RANBP2: variants seen among roughly 807,000 people sequenced by gnomAD.
RANBP2 encodes RAN binding protein 2.
A neutral mutation model predicts 303.6 loss-of-function variants in RANBP2; 57 were observed. The ratio of observed to expected loss-of-function variants is 0.19; its 90% CI spans 0.15 to 0.23. The LOEUF is 0.23. Among genes scored for constraint, RANBP2 ranks in the 10% least tolerant of loss-of-function variants. RANBP2 has a pLI of 1.00. For missense variants in RANBP2, 3,138 were observed against 3,780.8 expected, an observed-to-expected ratio of 0.83 and a Z score of 4.46; for synonymous variants, 1,167 against 1,301.5, an observed-to-expected ratio of 0.90 and a Z score of 2.23.
At chr2:109,633,025 G>T in the RANBP2 span, among the ~76,000 whole-genome samples, 1 of 152,126 alleles carries the variant, frequency 6.6e-6, no homozygotes. Flanking sequence ...GTTAGGCAGG[G>T]TTTTGATGGG....
chr2:109,631,133 TTGA>T, the RANBP2 span, among the ~76,000 whole-genome samples: 1 of 152,180 alleles, frequency 6.6e-6, no homozygotes, highest in Admixed American at 6.5e-5. Flanking sequence ...GGGCTTGCTG[TTGA>T]TGATTAAACA....
intron 4 of RANBP2, among the ~76,000 whole-genome samples, chr2:108,732,433 A>G (rs370373363): frequency 2.6e-5 from 4 of 152,202 alleles, no homozygotes; most frequent in South Asian, 4.1e-4. Flanking sequence ...GGGATGCTCT[A>G]CCTGCTAAGT....
At chr2:109,395,849 C>T in the RANBP2 span, among the ~76,000 whole-genome samples, 1 of 152,210 alleles carries the variant, frequency 6.6e-6, no homozygotes, top group Admixed American at 6.5e-5. Context: ...GACTTGCATA[C>T]AACAACCTGT....
the RANBP2 span, among the ~76,000 whole-genome samples, chr2:109,310,550 G>A: frequency 3.6e-5 from 3 of 83,510 alleles, 1 homozygote; most frequent in African/African-American, 2.2e-4. Context: ...AGTGAATCCA[G>A]GAGCTGGTTT....
At chr2:108,754,807 G>A (rs1558907591) in intron 15 of RANBP2, 98 bp from the exon 16 acceptor site, 3 of 1,582,736 alleles carry the variant, frequency 1.9e-6, no homozygotes, top group Non-Finnish European at 2.6e-6. Flanking sequence ...CTATTAAAGT[G>A]GCAAAAATGT....
chr2:108,899,114 T>G, the RANBP2 span, among the ~76,000 whole-genome samples: 43 of 152,342 alleles, frequency 2.8e-4, no homozygotes, highest in African/African-American at 9.6e-4. Flanking sequence ...TATATTCATG[T>G]CAAGATACAT....
the RANBP2 span, chr2:108,794,476 C>G: frequency 2.8e-6 from 4 of 1,422,380 alleles, no homozygotes; most frequent in African/African-American, 5.7e-5. Context: ...CTAAAGGTTA[C>G]TCTGAGAATA....
chr2:108,920,839 A>G, the RANBP2 span, among the ~76,000 whole-genome samples: 3 of 152,112 alleles, frequency 2.0e-5, no homozygotes, highest in African/African-American at 7.2e-5. Flanking sequence ...GGTGGGCAAA[A>G]TTGCGCCTGA....
At chr2:109,597,597 T>A in the RANBP2 span, among the ~76,000 whole-genome samples, 1 of 152,254 alleles carries the variant, frequency 6.6e-6, no homozygotes, top group South Asian at 2.1e-4. Flanking sequence ...TTGCTTTTCC[T>A]GTAGCTTCTA....
At chr2:109,266,290 TTGTG>T in the RANBP2 span, among the ~76,000 whole-genome samples, 3 of 148,658 alleles carry the variant, frequency 2.0e-5, no homozygotes, top group South Asian at 2.1e-4. Flanking sequence ...CATGTTTGTG[TTGTG>T]TGTATGTGTT....
the RANBP2 span, among the ~76,000 whole-genome samples, chr2:109,433,275 T>A: frequency 6.6e-6 from 1 of 152,264 alleles, no homozygotes; most frequent in African/African-American, 2.4e-5. Context: ...GGAAAAATGA[T>A]ATCTTCCCAA....
At chr2:109,154,068 A>G in the RANBP2 span, among the ~76,000 whole-genome samples, 1 of 152,192 alleles carries the variant, frequency 6.6e-6, no homozygotes, top group Non-Finnish European at 1.5e-5. Context: ...TGATGCATCA[A>G]AGTATGAACA....
chr2:109,561,216 G>A, the RANBP2 span, among the ~76,000 whole-genome samples: 1 of 151,998 alleles, frequency 6.6e-6, no homozygotes, highest in Non-Finnish European at 1.5e-5. Context: ...TCTTACAGAT[G>A]CCATTCTCTC....
the RANBP2 span, among the ~76,000 whole-genome samples, chr2:109,225,504 C>T: frequency 6.6e-6 from 1 of 152,376 alleles, no homozygotes; most frequent in African/African-American, 2.4e-5. Flanking sequence ...GCTGACCCAC[C>T]TGGCCCACTC....
the RANBP2 span, among the ~76,000 whole-genome samples, chr2:108,939,451 A>C: frequency 6.6e-6 from 1 of 152,230 alleles, no homozygotes; most frequent in Non-Finnish European, 1.5e-5. Flanking sequence ...GCGTATGTGA[A>C]AATGGGTGCT....
At chr2:109,171,483 C>T in the RANBP2 span, among the ~76,000 whole-genome samples, 1 of 152,240 alleles carries the variant, frequency 6.6e-6, no homozygotes, top group Non-Finnish European at 1.5e-5. Context: ...CCCCCTACCC[C>T]GACCCCTCAC....
At chr2:109,398,414 C>T in the RANBP2 span, among the ~76,000 whole-genome samples, 1 of 152,164 alleles carries the variant, frequency 6.6e-6, no homozygotes, top group African/African-American at 2.4e-5. Flanking sequence ...GCTCCAAAAA[C>T]CTTTTCAATA....
At chr2:109,614,589 C>A in the RANBP2 span, 1 of 1,420,430 alleles carries the variant, frequency 7.0e-7, no homozygotes, top group South Asian at 1.4e-5. Flanking sequence ...GCACGCCGAG[C>A]TGGTGCAGCA....
At chr2:109,319,216 A>G in the RANBP2 span, among the ~76,000 whole-genome samples, 1 of 152,212 alleles carries the variant, frequency 6.6e-6, no homozygotes, top group African/African-American at 2.4e-5. Context: ...TGACAGTGGC[A>G]TCGTTTTGCA....
Sources: allele counts gnomAD v4.1 joint callset (sites outside exome capture counted in the v4.1 genomes callset), GRCh38; gene constraint gnomAD v4.1.1; transcripts MANE v1.5; gene names NCBI Gene and HGNC (gene_info 2026-07-23, HGNC 2026-07-21).